CMTM7: variants seen among roughly 807,000 people sequenced by gnomAD.
CMTM7 encodes CKLF like MARVEL transmembrane domain containing 7.
CMTM7 carries 7 observed loss-of-function variants against 19.3 expected under a neutral mutation model. That is an observed-to-expected ratio of 0.36 (90% CI 0.21 to 0.68). CMTM7 has a LOEUF of 0.68. Ranked by LOEUF, CMTM7 falls within the 30% of genes least tolerant of loss-of-function variation. The pLI is 0.60. For synonymous variants in CMTM7, 87 were observed against 99.3 expected, an observed-to-expected ratio of 0.88 and a Z score of 0.74; for missense variants, 193 against 232.6, an observed-to-expected ratio of 0.83 and a Z score of 1.11.
chr3:32,443,148 G>A (rs891266740), intron 2 of CMTM7, among the ~76,000 whole-genome samples: 1 of 152,138 alleles, frequency 6.6e-6, no homozygotes. Context: ...ACCCAGGCTA[G>A]AGTGCAGTGA....
Position 32,449,589 on chromosome 3 carries a change from T to G in CMTM7, c.432+37T>G. On this transcript the variant is annotated intron_variant, in intron 3 of 4. Coordinates refer to ENST00000334983, the MANE Select transcript of CMTM7 (RefSeq NM_138410.4). This position sits in a 1 kb window ranked among gnomAD's most constrained non-coding sequence, Gnocchi z 4.5. ...TTGGGGAGCCTTTAGGAATGAATTC[T>G]TATTTAAAATGCTCATTTTCTTCCT... The G allele has an allele frequency of 2.0e-6, 3 of 1,470,102 alleles. No homozygotes were observed. The highest frequency in any genetic ancestry group is 2.9e-6 in the Non-Finnish European group (3 of 1,048,860). 91.1% of individuals were successfully genotyped at this position (1,470,102 alleles called of 1,614,324 possible).
chr3:32,392,523 A>G (rs1434720192), intron 1 of CMTM7, among the ~76,000 whole-genome samples: 2 of 152,064 alleles, frequency 1.3e-5, no homozygotes, highest in African/African-American at 4.8e-5. Flanking sequence ...CTCCGAACCC[A>G]GCGCGGCAGG....
chr3:32,409,080 T>G (rs1483570803), intron 1 of CMTM7, among the ~76,000 whole-genome samples: 1 of 151,986 alleles, frequency 6.6e-6, no homozygotes, highest in Non-Finnish European at 1.5e-5. Context: ...GCGGGGTTTC[T>G]CCATGTTGAC....
chr3:32,425,205 T>A (rs1696411820), intron 1 of CMTM7, among the ~76,000 whole-genome samples: 1 of 152,200 alleles, frequency 6.6e-6, no homozygotes, highest in African/African-American at 2.4e-5. Flanking sequence ...GGCACATAAG[T>A]GCGTAATGAG....
intron 1 of CMTM7, among the ~76,000 whole-genome samples, chr3:32,395,629 AAAC>A (rs1342678325): frequency 2.6e-5 from 4 of 152,230 alleles, no homozygotes; most frequent in African/African-American, 4.8e-5. Context: ...CAACAATAGA[AAAC>A]AACAAGTGAT....
chr3:32,439,906 G>T (rs1696650089), intron 1 of CMTM7, among the ~76,000 whole-genome samples: 2 of 152,148 alleles, frequency 1.3e-5, no homozygotes, highest in African/African-American at 4.8e-5. Flanking sequence ...TTATTGCAGG[G>T]TGCTTAGCAG....
chr3:32,444,631 T>C (rs1046306485), intron 2 of CMTM7, among the ~76,000 whole-genome samples: 9 of 152,264 alleles, frequency 5.9e-5, no homozygotes, highest in Non-Finnish European at 1.2e-4. Context: ...TAGATCAATT[T>C]GGAGAATATT....
At chr3:32,393,859 C>T (rs184035114) in intron 1 of CMTM7, among the ~76,000 whole-genome samples, 1 of 151,234 alleles carries the variant, frequency 6.6e-6, no homozygotes, top group Admixed American at 6.6e-5. Context: ...AATAAAGATA[C>T]TGGGAGATGA....
intron 1 of CMTM7, among the ~76,000 whole-genome samples, chr3:32,432,405 C>T (rs778894165): frequency 7.9e-5 from 12 of 152,224 alleles, no homozygotes; most frequent in Admixed American, 2.6e-4. Context: ...AGACATCTTC[C>T]CCGCCCATTC....
At chr3:32,402,269 G>A (rs945655021) in intron 1 of CMTM7, among the ~76,000 whole-genome samples, 1 of 151,962 alleles carries the variant, frequency 6.6e-6, no homozygotes, top group Non-Finnish European at 1.5e-5. Flanking sequence ...GCGCCACCAC[G>A]CCCAGCTAAT....
At chr3:32,400,828 T>C (rs1365501225) in intron 1 of CMTM7, among the ~76,000 whole-genome samples, 1 of 152,186 alleles carries the variant, frequency 6.6e-6, no homozygotes, top group Non-Finnish European at 1.5e-5. Context: ...CTCTGGGAGC[T>C]TCCAGTTCTA....
Position 32,423,273 on chromosome 3 carries a change from G to A in CMTM7, c.160-18567G>A, listed in dbSNP as rs1031247190. On this transcript the variant is annotated intron_variant, in intron 1 of 4. Transcript: ENST00000334983. Reference sequence around the variant, plus strand: ...ATTGTCACAAAGCACACATTGGGTGGTATGAGCACACCAAACTCAAAAGGA... The same window carrying A: ...ATTGTCACAAAGCACACATTGGGTGATATGAGCACACCAAACTCAAAAGGA... Among the ~76,000 whole-genome samples, 7 of 152,268 alleles carry A rather than the reference G, an allele frequency of 4.6e-5. No individual in the cohort carries two copies. In the South Asian group the frequency reaches 1.5e-3, roughly 32 times the overall value.
At position 32,455,049 on chromosome 3, in the gene CMTM7, A is replaced by G. The variant is rs1696888609; in HGVS notation, c.*795A>G. On this transcript the variant is annotated 3_prime_UTR_variant, in exon 5 of 5. Transcript: ENST00000334983. ...TAAACATGTGCAGGTTCTCAATTAT[A>G]TTCACGTCCTCCTTCTCCTGCAATA... 1 of 153,150 alleles carries G rather than the reference A, an allele frequency of 6.5e-6. No individual in the cohort carries two copies. The highest frequency in any genetic ancestry group is 1.5e-5 in the Non-Finnish European group (1 of 68,802). 9.5% of individuals were successfully genotyped at this position (153,150 alleles called of 1,614,324 possible).
rs77800704 is a variant in CMTM7 at position 32,412,771 on chromosome 3, T to C, written c.159+20706T>C. ...ATATTTTGGCCCTTGTTTAAGAATA[T>C]GTGTAAAGTTTGCAGGGCTGTTACC... On this transcript the variant is annotated intron_variant, in intron 1 of 4. Coordinates refer to ENST00000334983, the MANE Select transcript of CMTM7 (RefSeq NM_138410.4). Among the ~76,000 whole-genome samples the C allele has an allele frequency of 7.7e-4, 117 of 152,282 alleles. 3 individuals carry two copies. In the East Asian group the frequency reaches 0.022, roughly 29 times the overall value.
In CMTM7 at chr3:32,454,318, G is replaced by C. The variant is rs146432122; in HGVS notation, c.*64G>C. On this transcript the variant is annotated 3_prime_UTR_variant, in exon 5 of 5. Transcript: ENST00000334983. Reference sequence around the variant, plus strand: ...AGAGGAGGACGTGTACTCCAGGCGAGGCCTCTGGACCTGTGTTCCTGTGCC... The same window carrying C: ...AGAGGAGGACGTGTACTCCAGGCGACGCCTCTGGACCTGTGTTCCTGTGCC... 3 of 1,601,934 alleles carry C rather than the reference G, an allele frequency of 1.9e-6. No homozygotes were observed. The highest frequency in any genetic ancestry group is 2.6e-6 in the Non-Finnish European group (3 of 1,169,326).
intron 1 of CMTM7, among the ~76,000 whole-genome samples, chr3:32,437,285 T>G (rs1020701868): frequency 6.6e-6 from 1 of 152,148 alleles, no homozygotes; most frequent in African/African-American, 2.4e-5. Flanking sequence ...TTGAGGGCTC[T>G]TGCAGTGTTA....
At chr3:32,402,675 T>G (rs1696028381) in intron 1 of CMTM7, among the ~76,000 whole-genome samples, 1 of 152,146 alleles carries the variant, frequency 6.6e-6, no homozygotes, top group Non-Finnish European at 1.5e-5. Context: ...CAATTAATTA[T>G]CCTGCCTCAG....
At chr3:32,415,794 T>G (rs1696251184) in intron 1 of CMTM7, among the ~76,000 whole-genome samples, 1 of 152,258 alleles carries the variant, frequency 6.6e-6, no homozygotes, top group Non-Finnish European at 1.5e-5. Context: ...CTACAAGGTC[T>G]TCATTTCCTT....
At chr3:32,443,261 G>T (rs1696707924) in intron 2 of CMTM7, among the ~76,000 whole-genome samples, 1 of 151,718 alleles carries the variant, frequency 6.6e-6, no homozygotes, top group Non-Finnish European at 1.5e-5. Flanking sequence ...ACCACACCTG[G>T]ATAATTTTTG....
Sources: gnomAD v4.1 joint callset for allele counts (sites outside exome capture counted in the v4.1 genomes callset) on GRCh38, gnomAD v4.1.1 for gene constraint, Gnocchi (gnomAD v3.1) non-coding constraint, MANE v1.5 for transcripts, NCBI Gene and HGNC (gene_info 2026-07-23, HGNC 2026-07-21) for gene names.